Variants in INO80C observed in about 807,000 individuals in gnomAD.
The protein encoded by INO80C is INO80 complex subunit C.
A neutral mutation model predicts 17.7 loss-of-function variants in INO80C; 17 were observed. The observed-to-expected ratio is 0.96, with a 90% CI of 0.66 to 1.44. The LOEUF (loss-of-function observed/expected upper bound fraction) is 1.44. Among genes scored for constraint, INO80C ranks in the 40% most tolerant of loss-of-function variants. The pLI is 0.00. For missense variants in INO80C, 244 were observed against 245.0 expected, an observed-to-expected ratio of 1.00 and a Z score of 0.03; for synonymous variants, 96 against 95.8, an observed-to-expected ratio of 1.00 and a Z score of -0.01.
intron 4 of INO80C, among the ~76,000 whole-genome samples, chr18:35,470,618 C>T (rs541093408): frequency 1.3e-5 from 2 of 152,308 alleles, no homozygotes; most frequent in South Asian, 4.1e-4. Flanking sequence ...GTGGCTGCCT[C>T]ACTCCTACCA....
intron 1 of INO80C, among the ~76,000 whole-genome samples, chr18:35,492,004 T>C (rs919660145): frequency 6.6e-6 from 1 of 152,224 alleles, no homozygotes; most frequent in Admixed American, 6.5e-5. Flanking sequence ...TGCTCTGCTC[T>C]GCCCAACTGA....
rs773721478 is a variant in INO80C, at chr18:35,468,692, C to G, written c.498G>C (p.Glu166Asp). The part of the protein sequence containing the change: ...QSKLRFSTIE[E>D]FSYIRRLPSD... ...AGGGCAGCCTCCGAATGTAGGAAAA[C>G]TCTTCAATGGTGCTGAACCGCAGTT... Residue 166 changes from glutamate to aspartate, a missense_variant, in exon 5 of 5, where the codon GAG (glutamate) becomes GAC (aspartate). Coordinates refer to ENST00000334598, the MANE Select transcript of INO80C (RefSeq NM_194281.4). 2 of 1,614,200 alleles carry G rather than the reference C, an allele frequency of 1.2e-6. No individual in the cohort carries two copies. Among genetic ancestry groups the G allele is most frequent in the Admixed American group, 3.3e-5 (2 of 60,032 alleles).
At chr18:35,474,377 G>C (rs2045709647) in intron 4 of INO80C, among the ~76,000 whole-genome samples, 1 of 151,462 alleles carries the variant, frequency 6.6e-6, no homozygotes, top group Admixed American at 6.6e-5. Context: ...TTAAAGGAGA[G>C]ACAACATGCA....
At chr18:35,491,810 T>C (rs1345589425) in intron 1 of INO80C, among the ~76,000 whole-genome samples, 4 of 152,198 alleles carry the variant, frequency 2.6e-5, no homozygotes. Flanking sequence ...CAAGATGAAC[T>C]GTCCCGCCCC....
chr18:35,483,178 T>G (rs191262376), intron 1 of INO80C, among the ~76,000 whole-genome samples: 15 of 151,666 alleles, frequency 9.9e-5, no homozygotes, highest in African/African-American at 2.4e-4. Flanking sequence ...TTAGATTTAG[T>G]TTTTTTTTAC....
intron 1 of INO80C, among the ~76,000 whole-genome samples, chr18:35,493,794 C>T (rs1378398834): frequency 6.6e-6 from 1 of 152,174 alleles, no homozygotes; most frequent in African/African-American, 2.4e-5. Flanking sequence ...ATGTCCTACA[C>T]GTAAATGTGC....
At chr18:35,492,644 T>C (rs1390069250) in intron 1 of INO80C, among the ~76,000 whole-genome samples, 1 of 152,232 alleles carries the variant, frequency 6.6e-6, no homozygotes, top group Non-Finnish European at 1.5e-5. Context: ...AAAAGTTGAA[T>C]AGTAGGATGA....
At chr18:35,493,399 T>A (rs866980205) in intron 1 of INO80C, among the ~76,000 whole-genome samples, 8 of 152,208 alleles carry the variant, frequency 5.3e-5, no homozygotes, top group Non-Finnish European at 1.0e-4. Context: ...AAAATATAAA[T>A]CCACAGAATT....
intron 1 of INO80C, among the ~76,000 whole-genome samples, chr18:35,490,649 C>T (rs2045924723): frequency 6.6e-6 from 1 of 152,220 alleles, no homozygotes; most frequent in Non-Finnish European, 1.5e-5. Flanking sequence ...ACAGCGATTA[C>T]AGAACCATCC....
At chr18:35,485,863 G>T (rs2045868248) in intron 1 of INO80C, among the ~76,000 whole-genome samples, 1 of 152,238 alleles carries the variant, frequency 6.6e-6, no homozygotes, top group African/African-American at 2.4e-5. Flanking sequence ...AGGAACTCAT[G>T]CCTGTAATCC....
In INO80C at chr18:35,468,669, G is replaced by T; in HGVS notation, c.521C>A (p.Pro174His). The change falls in exon 5 of 5, where the codon CCC becomes CAC. Residue 174 changes from proline (P) to histidine (H), a missense_variant. Pro to His is a moderately conservative substitution (Grantham distance 77). Coordinates refer to ENST00000334598, the MANE Select transcript of INO80C (RefSeq NM_194281.4). ...IEEFSYIRRL[P>H]SDVVTGYLAL... ...CAGGTAGCCGGTGACGACGTCAGAG[G>T]GCAGCCTCCGAATGTAGGAAAACTC... The T allele has an allele frequency of 1.2e-6, 2 of 1,614,088 alleles. No individual in the cohort carries two copies. The highest frequency in any genetic ancestry group is 1.7e-6 in the Non-Finnish European group (2 of 1,180,000).
chr18:35,475,283 C>A (rs1488192245), intron 4 of INO80C, among the ~76,000 whole-genome samples: 1 of 152,170 alleles, frequency 6.6e-6, no homozygotes, highest in East Asian at 1.9e-4. Flanking sequence ...CAACATTTAA[C>A]CACTGACATC....
chr18:35,495,036 A>G (rs1392252529), intron 1 of INO80C, among the ~76,000 whole-genome samples: 2 of 152,242 alleles, frequency 1.3e-5, no homozygotes, highest in East Asian at 3.8e-4. Flanking sequence ...GGTGACCTCA[A>G]GAAGATTCCT....
chr18:35,478,199 G>C, intron 4 of INO80C, 83 bp downstream of exon 4: 1 of 1,058,336 alleles, frequency 9.4e-7, no homozygotes, highest in African/African-American at 1.6e-5. Context: ...GACCAGCCAT[G>C]ATCAATATTC....
chr18:35,476,435 T>G (rs1202699231), intron 4 of INO80C, among the ~76,000 whole-genome samples: 1 of 152,226 alleles, frequency 6.6e-6, no homozygotes, highest in Admixed American at 6.5e-5. Flanking sequence ...AAATATACCA[T>G]AGATGTTAAT....
chr18:35,486,992 G>A (rs1430073848), intron 1 of INO80C, among the ~76,000 whole-genome samples: 2 of 152,066 alleles, frequency 1.3e-5, no homozygotes, highest in Non-Finnish European at 2.9e-5. Context: ...CACTGGCAAA[G>A]TATGAAATAA....
At position 35,483,177 on chromosome 18, in the gene INO80C, G is replaced by GT. The variant is rs936412015; in HGVS notation, c.157-2615dup. Among the ~76,000 whole-genome samples the GT allele has an allele frequency of 4.8e-4, 73 of 151,210 alleles. 1 individual carries two copies. The highest frequency in any genetic ancestry group is 3.4e-3 in the Middle Eastern group (1 of 294). On this transcript the variant is annotated intron_variant, in intron 1 of 4. Transcript: ENST00000334598. ...AATTTTACAACAAAGGTTAGATTTA[G>GT]TTTTTTTTTACATAACTTTTATTGC...
intron 1 of INO80C, among the ~76,000 whole-genome samples, chr18:35,491,473 A>C (rs2144085796): frequency 6.6e-6 from 1 of 152,300 alleles, no homozygotes; most frequent in African/African-American, 2.4e-5. Context: ...AGAGAAAGGA[A>C]GCCACCCTGG....
At chr18:35,493,238 T>C (rs1043872106) in intron 1 of INO80C, among the ~76,000 whole-genome samples, 3 of 152,264 alleles carry the variant, frequency 2.0e-5, no homozygotes, top group Non-Finnish European at 2.9e-5. Context: ...AAATGCTTGA[T>C]AAATATTAAT....
Sources: allele counts gnomAD v4.1 joint callset (sites outside exome capture counted in the v4.1 genomes callset), GRCh38; gene constraint gnomAD v4.1.1; transcripts MANE v1.5; gene names NCBI Gene and HGNC (gene_info 2026-07-23, HGNC 2026-07-21).